Variants in PDE12 observed in about 807,000 individuals in gnomAD.
The protein encoded by PDE12 is 2',5'-phosphodiesterase 12.
A neutral mutation model predicts 45.4 loss-of-function variants in PDE12; 26 were observed. The observed-to-expected ratio is 0.57, with a 90% CI of 0.42 to 0.79. PDE12 has a LOEUF of 0.79. Ranked by LOEUF, PDE12 falls within the 30% of genes least tolerant of loss-of-function variation. The pLI is 0.00. For synonymous variants in PDE12, 283 were observed against 323.9 expected (o/e 0.87, Z 1.36); for missense variants, 668 against 790.0 (o/e 0.85, Z 1.85).
the PDE12 span, among the ~76,000 whole-genome samples, chr3:57,588,587 C>T: frequency 6.7e-6 from 1 of 148,592 alleles, no homozygotes; most frequent in Non-Finnish European, 1.5e-5. Flanking sequence ...GGCACAGTGG[C>T]TCACACCTGT....
At chr3:57,570,651 A>G (rs1321227777), downstream of PDE12, among the ~76,000 whole-genome samples, 1 of 152,176 alleles carries the variant, frequency 6.6e-6, no homozygotes, top group African/African-American at 2.4e-5. Context: ...ATAGACAGAA[A>G]CTAAGTTACT....
At chr3:57,639,427 A>T in the PDE12 span, among the ~76,000 whole-genome samples, 50 of 152,228 alleles carry the variant, frequency 3.3e-4, no homozygotes, top group African/African-American at 1.2e-3. Flanking sequence ...ACCTACATCT[A>T]GCAGAGAGAC....
At chr3:57,578,641 A>C in the PDE12 span, among the ~76,000 whole-genome samples, 1 of 151,952 alleles carries the variant, frequency 6.6e-6, no homozygotes, top group Non-Finnish European at 1.5e-5. Context: ...CACCACACCT[A>C]GCTAATTTTT....
chr3:57,604,154 C>T, the PDE12 span, among the ~76,000 whole-genome samples: 1 of 151,486 alleles, frequency 6.6e-6, no homozygotes, highest in Non-Finnish European at 1.5e-5. Flanking sequence ...GAACTCCTGA[C>T]CTTGTGATCC....
At chr3:57,650,660 T>A in the PDE12 span, among the ~76,000 whole-genome samples, 1 of 152,002 alleles carries the variant, frequency 6.6e-6, no homozygotes, top group Admixed American at 6.5e-5. Flanking sequence ...ATGGAAAACA[T>A]GTCCACACAA....
At position 57,564,491 on chromosome 3, in the gene PDE12, T is replaced by A. The variant is rs1358069885; in HGVS notation, c.*4487T>A. On this transcript the variant is annotated 3_prime_UTR_variant, in exon 3 of 3. Coordinates refer to ENST00000311180, the MANE Select transcript of PDE12 (RefSeq NM_177966.7). The stretch of plus-strand genomic sequence containing the variant: ...GTCCATTTTGCCCAGTAATTCACTT[T>A]AATGATGTTATCATGAAGTATTGAT... 6.6e-6 allele frequency: 1 copy of A among 151,410 alleles called. No homozygotes were observed. Among genetic ancestry groups the A allele is most frequent in the Admixed American group, 6.7e-5 (1 of 15,000 alleles). 9.4% of individuals were successfully genotyped at this position (151,410 alleles called of 1,614,324 possible).
the PDE12 span, among the ~76,000 whole-genome samples, chr3:57,594,368 G>A: frequency 3.4e-4 from 52 of 152,132 alleles, no homozygotes; most frequent in Non-Finnish European, 5.0e-4. Flanking sequence ...GATAATAGGC[G>A]TGAGCCACCA....
At chr3:57,572,090 T>A in the PDE12 span, 1 of 712,724 alleles carries the variant, frequency 1.4e-6, no homozygotes, top group Non-Finnish European at 2.4e-6. Flanking sequence ...ACAAAATAAG[T>A]TTAATATTCT....
At chr3:57,558,181 T>A (rs2069687319) in intron 1 of PDE12, among the ~76,000 whole-genome samples, 1 of 148,816 alleles carries the variant, frequency 6.7e-6, no homozygotes, top group South Asian at 2.2e-4. Flanking sequence ...AGTAATTGAT[T>A]TTGTTCATAA....
the PDE12 span, among the ~76,000 whole-genome samples, chr3:57,599,107 A>G: frequency 6.6e-6 from 1 of 152,342 alleles, no homozygotes; most frequent in African/African-American, 2.4e-5. Context: ...TGAGACATCA[A>G]TCAATATATG....
the PDE12 span, among the ~76,000 whole-genome samples, chr3:57,589,353 A>G: frequency 6.6e-6 from 1 of 151,150 alleles, no homozygotes; most frequent in Non-Finnish European, 1.5e-5. Flanking sequence ...CCTTGAGCCC[A>G]GGGGATCAAG....
chr3:57,600,435 C>G, the PDE12 span, among the ~76,000 whole-genome samples: 1 of 147,608 alleles, frequency 6.8e-6, no homozygotes, highest in South Asian at 2.1e-4. Flanking sequence ...CCCTTTTCCC[C>G]TCCCTTCCCC....
At chr3:57,654,248 C>T in the PDE12 span, among the ~76,000 whole-genome samples, 1 of 151,948 alleles carries the variant, frequency 6.6e-6, no homozygotes, top group African/African-American at 2.4e-5. Flanking sequence ...AGCCACCGTG[C>T]CCAGCCAGAA....
the PDE12 span, chr3:57,631,266 G>A: frequency 1.1e-5 from 3 of 279,880 alleles, no homozygotes; most frequent in African/African-American, 2.2e-5. Context: ...GCATGATCTC[G>A]GCTCACTACA....
chr3:57,570,219 G>GTTTTTTTTTTTTTTTTTTT (rs34599005), downstream of PDE12, among the ~76,000 whole-genome samples: 3 of 102,330 alleles, frequency 2.9e-5, no homozygotes, highest in African/African-American at 1.2e-4. Context: ...TTAATCCAGT[G>GTTTTTTTTTTTTTTTTTTT]TTTTTTTTTT....
chr3:57,650,871 G>A, the PDE12 span, among the ~76,000 whole-genome samples: 19 of 147,306 alleles, frequency 1.3e-4, no homozygotes, highest in Non-Finnish European at 1.9e-4. Flanking sequence ...CACAACCTCC[G>A]CCTCCCAGAT....
At chr3:57,580,025 C>T in the PDE12 span, among the ~76,000 whole-genome samples, 2 of 152,022 alleles carry the variant, frequency 1.3e-5, no homozygotes, top group African/African-American at 4.8e-5. Context: ...CACATGAGCC[C>T]AGGAGGTTGA....
chr3:57,571,122 C>G (rs1559781204), downstream of PDE12, among the ~76,000 whole-genome samples: 1 of 152,008 alleles, frequency 6.6e-6, no homozygotes, highest in East Asian at 1.9e-4. Flanking sequence ...GGATTACAGG[C>G]GTGAGCCACC....
downstream of PDE12, chr3:57,571,342 A>T (rs559901700): frequency 6.6e-6 from 1 of 152,574 alleles, no homozygotes; most frequent in South Asian, 2.1e-4. Flanking sequence ...TACCTTCAAA[A>T]CTCAAAAAGA....
Sources: gnomAD v4.1 joint callset for allele counts (sites outside exome capture counted in the v4.1 genomes callset) on GRCh38, gnomAD v4.1.1 for gene constraint, MANE v1.5 for transcripts, NCBI Gene and HGNC (gene_info 2026-07-23, HGNC 2026-07-21) for gene names.